Variants in GOLGA2 observed in about 807,000 individuals in gnomAD.
GOLGA2 encodes the protein golgin subfamily A member 2.
A neutral mutation model predicts 148.8 loss-of-function variants in GOLGA2; 49 were observed. That is an observed-to-expected ratio of 0.33 (90% CI 0.26 to 0.42). The LOEUF is 0.42. GOLGA2 is among the 10% of genes least tolerant of loss of function. GOLGA2 has a pLI of 1.00. For missense variants in GOLGA2, 1,178 were observed against 1,304.6 expected (o/e 0.90, Z 1.49); for synonymous variants, 501 against 511.8 (o/e 0.98, Z 0.28).
chr9:128,275,871 G>C, intron 1 of GOLGA2, 22 bp downstream of exon 1: 1 of 1,381,552 alleles, frequency 7.2e-7, no homozygotes, highest in Non-Finnish European at 1.0e-6. Context: ...GGGTCGGGGG[G>C]CCGCGACCCG....
In GOLGA2 at chr9:128,256,889, G is replaced by T; in HGVS notation, c.*178C>A. ...ACTTTTAATTTTTTTTTAATTTAGT[G>T]GCCAGCTTTTAGATGACAGTGATCT... On this transcript the variant is annotated 3_prime_UTR_variant, in exon 27 of 27. Transcript: ENST00000611957. 3.9e-6 allele frequency: 2 copies of T among 516,920 alleles called. No individual in the cohort carries two copies. Among genetic ancestry groups the T allele is most frequent in the Non-Finnish European group, 6.9e-6 (2 of 288,302 alleles). The allele number at this position is 516,920 out of a possible 1,614,324, so 32.0% of individuals were successfully genotyped here.
chr9:128,268,319 G>T, intron 4 of GOLGA2, 101 bp downstream of exon 4: 1 of 1,022,620 alleles, frequency 9.8e-7, no homozygotes, highest in Non-Finnish European at 1.5e-6. Context: ...CCGGTCCCCA[G>T]GAAGGGCCCT....
chr9:128,273,922 T>C lies in GOLGA2; in HGVS notation c.135A>G (p.Lys45=), dbSNP rs1465106520. Residue 45 remains lysine, a synonymous_variant, in exon 2 of 27, where the codon AAA becomes AAG. Coordinates refer to ENST00000611957, the MANE Select transcript of GOLGA2 (RefSeq NM_001366244.2). ...TGCCATTTTTTATTTTCTTCTTCTT[T>C]TTCGCTCCTGTAGGAACACCAGGGC... is the stretch of plus-strand genomic sequence containing the variant. ...RNSPGVPTGA[K]KKKKIKNGSN... 6.2e-7 allele frequency: 1 copy of C among 1,613,798 alleles called. No homozygotes were observed. The highest frequency in any genetic ancestry group is 1.7e-5 in the Admixed American group (1 of 60,004).
In GOLGA2 at chr9:128,260,275, C is replaced by CG. The variant is rs555798317; in HGVS notation, c.1759-87dup. The CG allele has an allele frequency of 1.1e-5, 14 of 1,243,980 alleles. No homozygotes were observed. The African/African-American group carries it at 1.5e-4, about 13-fold the overall frequency. The allele number at this position is 1,243,980 out of a possible 1,614,324, so 77.1% of individuals were successfully genotyped here. ...CCTTGGTGTCTGCCTCCCATGGCAC[C>CG]GGGAAGGGTGGAGGCAGGTTAGAAA... On this transcript the variant is annotated intron_variant, in intron 18 of 26. Transcript: ENST00000611957. This position sits in a 1 kb window ranked among gnomAD's most constrained non-coding sequence, Gnocchi z 4.8.
intron 1 of GOLGA2, chr9:128,275,620 G>A (rs1349127949): frequency 1.1e-5 from 9 of 801,396 alleles, no homozygotes; most frequent in African/African-American, 1.9e-5. Flanking sequence ...GCCCAGGGAG[G>A]TCGGACTTCG....
In GOLGA2 at chr9:128,261,547, A is replaced by C. The variant is rs778483317; in HGVS notation, c.1239T>G (p.Val413=). The C allele has an allele frequency of 6.2e-7, 1 of 1,602,748 alleles. No individual in the cohort carries two copies. The highest frequency in any genetic ancestry group is 8.5e-7 in the Non-Finnish European group (1 of 1,169,706). ...EAHLGQVMES[V]RQLQMERDKY... is the part of the protein sequence containing the mutation. ...TATCTCTCTCCATTTGTAGTTGTCT[A>C]ACCGACTCCATTACCTGCAAGAATG... The change falls in exon 16 of 27, where the codon GTT becomes GTG. Residue 413 remains valine, a synonymous_variant. Transcript: ENST00000611957. This position sits in a 1 kb window ranked among gnomAD's most constrained non-coding sequence, Gnocchi z 5.7.
intron 12 of GOLGA2, among the ~76,000 whole-genome samples, chr9:128,265,143 G>A (rs1830515114): frequency 6.6e-6 from 1 of 152,216 alleles, no homozygotes; most frequent in African/African-American, 2.4e-5. Flanking sequence ...CAGCCGTGCT[G>A]TTCCTCTCTC....
rs1320543177 is a variant in GOLGA2 at position 128,261,773 on chromosome 9, C to A, written c.1135-16G>T. ...GGCTTGAAAACTGGATGGTGAAGAG[C>A]GAGAAGTTTAGATCTGGGGAGCCCA... On this transcript the variant is annotated splice_polypyrimidine_tract_variant and intron_variant, in intron 14 of 26. Transcript: ENST00000611957. The surrounding 1 kb of genome is among the most constrained non-coding windows in gnomAD (Gnocchi z 5.7). The A allele has an allele frequency of 1.3e-6, 2 of 1,585,874 alleles. No individual in the cohort carries two copies. The highest frequency in any genetic ancestry group is 1.7e-4 in the Middle Eastern group (1 of 6,010).
rs1323475683 is a variant in GOLGA2 at position 128,258,929 on chromosome 9, ACTC to A, written c.2173+75_2173+77del. On this transcript the variant is annotated intron_variant, in intron 21 of 26. Transcript: ENST00000611957. The surrounding 1 kb of genome is among the most constrained non-coding windows in gnomAD (Gnocchi z 6.6). ...CCAGCTGTTCTAAAGGTCTCTTCCA[ACTC>A]CTCAATTCTACGCTGCTAACAGTCC... 1.5e-5 allele frequency: 15 copies of A among 991,950 alleles called. No homozygotes were observed. The highest frequency in any genetic ancestry group is 1.2e-4 in the Admixed American group (7 of 56,940). The allele number at this position is 991,950 out of a possible 1,614,324, so 61.4% of individuals were successfully genotyped here.
rs367676933 is a variant in GOLGA2 at position 128,260,195 on chromosome 9, C to T, written c.1759-6G>A. 12 of 1,591,822 alleles carry T rather than the reference C, an allele frequency of 7.5e-6. No homozygotes were observed. Among genetic ancestry groups the T allele is most frequent in the East Asian group, 4.5e-5 (2 of 44,808 alleles). ...ATCTCCATGTTCTCATTAGTCTGGA[C>T]AGAGAGAAGCAATCAGCGGCCACCC... On this transcript the variant is annotated splice_region_variant and splice_polypyrimidine_tract_variant and intron_variant, in intron 18 of 26. Coordinates refer to ENST00000611957, the MANE Select transcript of GOLGA2 (RefSeq NM_001366244.2). This position sits in a 1 kb window ranked among gnomAD's most constrained non-coding sequence, Gnocchi z 4.8.
intron 12 of GOLGA2, among the ~76,000 whole-genome samples, chr9:128,264,081 C>T (rs1329284312): frequency 6.7e-6 from 1 of 150,116 alleles, no homozygotes. Context: ...AGGAGAATGG[C>T]ATGAACCCGG....
In GOLGA2 at chr9:128,268,120, G is replaced by A. The variant is rs1347048506; in HGVS notation, c.434C>T (p.Thr145Ile). Residue 145 changes from threonine (T) to isoleucine (I), a missense_variant, in exon 5 of 27, where the codon ACC becomes ATC. Thr to Ile is a moderately conservative substitution (Grantham distance 89). This residue lies in a region of GOLGA2 where 304 missense variants were observed against 404.1 expected (regional missense o/e 0.75). Coordinates refer to ENST00000611957, the MANE Select transcript of GOLGA2 (RefSeq NM_001366244.2). ...TGCCCCAACAGGAGACACTCACTTG[G>A]TTTCATCCATGAGATTAGGGACATT... ...ADNVPNLMDE[T>I]KTFSSTESLR... is the part of the protein sequence containing the mutation. 6.2e-7 allele frequency: 1 copy of A among 1,613,094 alleles called. No individual in the cohort carries two copies. Among genetic ancestry groups the A allele is most frequent in the Admixed American group, 1.7e-5 (1 of 60,016 alleles).
Position 128,275,926 on chromosome 9 carries a change from G to A in GOLGA2, c.51C>T (p.Thr17=). The A allele has an allele frequency of 6.3e-7, 1 of 1,592,944 alleles. No homozygotes were observed. Among genetic ancestry groups the A allele is most frequent in the Non-Finnish European group, 8.5e-7 (1 of 1,170,712 alleles). The change falls in exon 1 of 27, where the codon ACC becomes ACT. Residue 17 remains threonine (T), a synonymous_variant. Transcript: ENST00000611957. ...LPPRPAMSEE[T]RQSKLAAAKK... is the part of the protein sequence containing the mutation. ...TCGCTGCGGCCAATTTGCTCTGTCG[G>A]GTTTCTTCCGACATCGCGGGGCGGG...
At position 128,265,635 on chromosome 9, in the gene GOLGA2, A is replaced by T; in HGVS notation, c.883T>A (p.Leu295Met). ...GAGACAGCAGAGAGAGCCCGCTCCAACTCTCCCACACGCCGCCGGGAATAC... is the reference window on the plus strand; with the variant it reads ...GAGACAGCAGAGAGAGCCCGCTCCATCTCTCCCACACGCCGCCGGGAATAC... ...LQYSRRRVGE[L>M]ERALSAVSTQ... Residue 295 changes from leucine (L) to methionine (M), a missense_variant, in exon 12 of 27, where the codon TTG becomes ATG. Coordinates refer to ENST00000611957, the MANE Select transcript of GOLGA2 (RefSeq NM_001366244.2). 2 of 1,613,590 alleles carry T rather than the reference A, an allele frequency of 1.2e-6. No homozygotes were observed. Among genetic ancestry groups the T allele is most frequent in the East Asian group, 4.5e-5 (2 of 44,872 alleles).
At chr9:128,259,475 C>T (rs1342656160) in intron 19 of GOLGA2, 84 bp from the exon 20 acceptor site, 1 of 845,832 alleles carries the variant, frequency 1.2e-6, no homozygotes, top group Non-Finnish European at 1.9e-6. Flanking sequence ...AGGGCTCTGT[C>T]ACCTGCCCAG....
At chr9:128,263,508 C>G in intron 12 of GOLGA2, among the ~76,000 whole-genome samples, 1 of 152,132 alleles carries the variant, frequency 6.6e-6, no homozygotes. Flanking sequence ...AGCTCCGCCT[C>G]CCGGGTTCAT....
At position 128,266,367 on chromosome 9, in the gene GOLGA2, C is replaced by T. The variant is rs777549824; in HGVS notation, c.643-42G>A. On this transcript the variant is annotated intron_variant, in intron 8 of 26. Transcript: ENST00000611957. This position sits in a 1 kb window ranked among gnomAD's most constrained non-coding sequence, Gnocchi z 4.2. ...AAGGAAGGTGACTGAGGGTGGCCCC[C>T]TCAACTCTATTCCCCAGACCAGGAA... is the stretch of plus-strand genomic sequence containing the variant. The T allele has an allele frequency of 1.3e-6, 2 of 1,576,690 alleles. No homozygotes were observed. Among genetic ancestry groups the T allele is most frequent in the Admixed American group, 1.7e-5 (1 of 59,944 alleles).
At position 128,257,318 on chromosome 9, in the gene GOLGA2, C is replaced by A; in HGVS notation, c.2876-37G>T. 5 of 1,611,506 alleles carry A rather than the reference C, an allele frequency of 3.1e-6. No homozygotes were observed. Among genetic ancestry groups the A allele is most frequent in the Non-Finnish European group, 4.2e-6 (5 of 1,178,674 alleles). The stretch of plus-strand genomic sequence containing the variant: ...GAGAGGCAGGGCTCTGAGTGCCACG[C>A]GAGCCCTCCCTTACTCCTGCCTGCC... On this transcript the variant is annotated intron_variant, in intron 26 of 26. Coordinates refer to ENST00000611957, the MANE Select transcript of GOLGA2 (RefSeq NM_001366244.2). This position sits in a 1 kb window ranked among gnomAD's most constrained non-coding sequence, Gnocchi z 8.0.
intron 1 of GOLGA2, chr9:128,275,257 C>T (rs1831243277): frequency 1.6e-6 from 1 of 613,452 alleles, no homozygotes; most frequent in Middle Eastern, 2.5e-4. Context: ...ACCAGAGGAA[C>T]CAGAAGCGGG....
Sources: gnomAD v4.1 joint callset for allele counts (sites outside exome capture counted in the v4.1 genomes callset) on GRCh38, gnomAD v4.1.1 for gene constraint, gnomAD v4.1.1 regional missense constraint, Gnocchi (gnomAD v3.1) non-coding constraint, MANE v1.5 for transcripts, NCBI Gene and HGNC (gene_info 2026-07-23, HGNC 2026-07-21) for gene names.